AIDA: variants seen among roughly 807,000 people sequenced by gnomAD.
AIDA encodes axin interactor, dorsalization associated.
AIDA carries 18 observed loss-of-function variants against 42.7 expected under a neutral mutation model. The ratio of observed to expected loss-of-function variants is 0.42; its 90% CI spans 0.29 to 0.63. The LOEUF is 0.63. Among genes scored for constraint, AIDA ranks in the 20% least tolerant of loss-of-function variants. AIDA has a pLI of 0.19. For missense variants in AIDA, 250 were observed against 354.1 expected, an observed-to-expected ratio of 0.71 and a Z score of 2.36; for synonymous variants, 104 against 122.9, an observed-to-expected ratio of 0.85 and a Z score of 1.02.
chr1:222,693,851 T>C lies in AIDA; in HGVS notation c.235-8A>G, dbSNP rs780431970. On this transcript the variant is annotated splice_region_variant and splice_polypyrimidine_tract_variant and intron_variant, in intron 3 of 9. Transcript: ENST00000340020. ...TTCTTGAGACTGTGTGGACTAAATT[T>C]AAAATAAGCATATTACATCTTTTCA... The C allele has an allele frequency of 1.2e-6, 2 of 1,603,548 alleles. No individual in the cohort carries two copies. Among genetic ancestry groups the C allele is most frequent in the East Asian group, 4.5e-5 (2 of 44,694 alleles).
At chr1:222,673,019 G>A (rs753077835) in intron 8 of AIDA, among the ~76,000 whole-genome samples, 3 of 152,150 alleles carry the variant, frequency 2.0e-5, no homozygotes, top group African/African-American at 4.8e-5. Context: ...GAACCTTCAC[G>A]CACTCCTGCT....
At chr1:222,676,702 CTGGAG>C (rs1462656725) in intron 6 of AIDA, among the ~76,000 whole-genome samples, 2 of 152,014 alleles carry the variant, frequency 1.3e-5, no homozygotes, top group Non-Finnish European at 2.9e-5. Flanking sequence ...GTCACCCAGG[CTGGAG>C]TGCAGTGGCA....
At chr1:222,707,470 T>A (rs1056689119) in intron 1 of AIDA, among the ~76,000 whole-genome samples, 2 of 152,166 alleles carry the variant, frequency 1.3e-5, no homozygotes, top group African/African-American at 4.8e-5. Context: ...TAAAAAGAAC[T>A]TTTTAAGCCG....
intron 1 of AIDA, among the ~76,000 whole-genome samples, chr1:222,705,865 C>A (rs944491549): frequency 5.9e-5 from 9 of 151,762 alleles, no homozygotes; most frequent in African/African-American, 1.7e-4. Flanking sequence ...GCCTGAGTAA[C>A]AAGACCAAAA....
chr1:222,688,294 G>C (rs1196710795), intron 4 of AIDA, among the ~76,000 whole-genome samples: 1 of 152,110 alleles, frequency 6.6e-6, no homozygotes, highest in Admixed American at 6.5e-5. Context: ...CATCAAACTG[G>C]TAGTTTGTAG....
chr1:222,691,459 A>G (rs2124960391), intron 4 of AIDA, among the ~76,000 whole-genome samples: 1 of 152,322 alleles, frequency 6.6e-6, no homozygotes, highest in Middle Eastern at 3.4e-3. Context: ...CAGAATTAAA[A>G]TCACGAAATT....
chr1:222,677,355 C>T (rs1444643103), intron 6 of AIDA, among the ~76,000 whole-genome samples: 1 of 152,108 alleles, frequency 6.6e-6, no homozygotes, highest in Non-Finnish European at 1.5e-5. Flanking sequence ...ATATTCATAA[C>T]ATCTGCAAAT....
At chr1:222,676,009 G>C (rs201701359) in intron 7 of AIDA, 87 bp downstream of exon 7, 2 of 1,415,438 alleles carry the variant, frequency 1.4e-6, no homozygotes, top group African/African-American at 2.9e-5. Flanking sequence ...AAGACTCCCC[G>C]CCCCACCACC....
At chr1:222,710,573 G>A (rs964256422) in intron 1 of AIDA, among the ~76,000 whole-genome samples, 2 of 152,194 alleles carry the variant, frequency 1.3e-5, no homozygotes, top group Non-Finnish European at 1.5e-5. Flanking sequence ...TATACAGAAT[G>A]GGTATACATA....
intron 6 of AIDA, among the ~76,000 whole-genome samples, chr1:222,678,200 GGTGTGTGTGTGTGT>G (rs71732365): frequency 6.2e-5 from 9 of 145,398 alleles, no homozygotes; most frequent in African/African-American, 1.5e-4. Flanking sequence ...TATATCTTGG[GGTGTGTGTGTGTGT>G]GTGTGTGTGT....
chr1:222,673,840 T>C (rs1443826082), intron 7 of AIDA, among the ~76,000 whole-genome samples: 2 of 150,482 alleles, frequency 1.3e-5, no homozygotes, highest in African/African-American at 2.4e-5. Context: ...CCCCAGAACT[T>C]TGGGAGGCTG....
At position 222,695,834 on chromosome 1, in the gene AIDA, ATG is replaced by A. The variant is rs577634870; in HGVS notation, c.181-1573_181-1572del. The stretch of plus-strand genomic sequence containing the variant: ...GAAGGAAAAAAGCATGTTTTTCTAA[ATG>A]TATTGATAACTTGCAAAAGTTTAGT... On this transcript the variant is annotated intron_variant, in intron 2 of 9. Transcript: ENST00000340020. Among the ~76,000 whole-genome samples, 35 of 152,318 alleles carry A rather than the reference ATG, an allele frequency of 2.3e-4. No homozygotes were observed. In the South Asian group the frequency reaches 4.3e-3, roughly 19 times the overall value.
Position 222,702,737 on chromosome 1 carries a change from G to A in AIDA, c.180+411C>T, listed in dbSNP as rs556229812. On this transcript the variant is annotated intron_variant, in intron 2 of 9. Transcript: ENST00000340020. Reference sequence around the variant, plus strand: ...GAGAAGGTAGACAGGAGTTAGGAAAGTTCAGAATCAAGTAAGTGCTGGGGT... The same window carrying A: ...GAGAAGGTAGACAGGAGTTAGGAAAATTCAGAATCAAGTAAGTGCTGGGGT... Among the ~76,000 whole-genome samples, 62 of 152,346 alleles carry A rather than the reference G, an allele frequency of 4.1e-4. No individual in the cohort carries two copies. The South Asian group carries it at 5.6e-3, about 14-fold the overall frequency.
Position 222,687,673 on chromosome 1 carries a change from T to C in AIDA, c.290-15A>G, listed in dbSNP as rs752071735. On this transcript the variant is annotated splice_polypyrimidine_tract_variant and intron_variant, in intron 4 of 9. Transcript: ENST00000340020. ...ATTCTTTAGGACTAGAATAAGAAGA[T>C]AAAGAAACATGAATTCTTCCATGAA... The C allele has an allele frequency of 2.8e-6, 4 of 1,446,868 alleles. No homozygotes were observed. Among genetic ancestry groups the C allele is most frequent in the East Asian group, 2.4e-5 (1 of 41,976 alleles). The allele number at this position is 1,446,868 out of a possible 1,614,324, so 89.6% of individuals were successfully genotyped here. A position where few individuals can be genotyped will look rare whatever the true frequency, so the allele number is the denominator to read the frequency against.
intron 5 of AIDA, 77 bp from the exon 6 acceptor site, chr1:222,687,113 C>T: frequency 6.4e-7 from 1 of 1,550,606 alleles, no homozygotes; most frequent in Non-Finnish European, 8.7e-7. Flanking sequence ...ACACTCGTTT[C>T]CCAGGCAAGA....
intron 6 of AIDA, 53 bp downstream of exon 6, chr1:222,686,877 C>T: frequency 1.3e-6 from 2 of 1,571,050 alleles, no homozygotes; most frequent in East Asian, 2.3e-5. Flanking sequence ...GTTTCAAACA[C>T]CCTGACTCTG....
intron 4 of AIDA, among the ~76,000 whole-genome samples, chr1:222,691,490 C>T (rs73124868): frequency 0.02 from 3,053 of 152,120 alleles, 105 homozygotes; most frequent in African/African-American, 0.07. Flanking sequence ...ATTTAAAGTA[C>T]AAGTATAAAC....
intron 1 of AIDA, among the ~76,000 whole-genome samples, chr1:222,704,821 T>A (rs887601218): frequency 4.6e-5 from 7 of 151,408 alleles, no homozygotes; most frequent in African/African-American, 1.2e-4. Flanking sequence ...ATCTCAATTT[T>A]AAAAAAATAT....
At chr1:222,710,349 A>G (rs932661927) in intron 1 of AIDA, among the ~76,000 whole-genome samples, 2 of 152,196 alleles carry the variant, frequency 1.3e-5, no homozygotes, top group African/African-American at 2.4e-5. Context: ...AGGTCCAACA[A>G]TGGATCTGCA....
Sources: allele counts gnomAD v4.1 joint callset (sites outside exome capture counted in the v4.1 genomes callset), GRCh38; gene constraint gnomAD v4.1.1; transcripts MANE v1.5; gene names NCBI Gene and HGNC (gene_info 2026-07-23, HGNC 2026-07-21).